DPP6: variants seen among roughly 807,000 people sequenced by gnomAD.
DPP6 encodes the protein dipeptidyl peptidase like 6.
DPP6 carries 69 observed loss-of-function variants against 122.6 expected under a neutral mutation model. The ratio of observed to expected loss-of-function variants is 0.56; its 90% CI spans 0.46 to 0.69. The LOEUF is 0.69. Among genes scored for constraint, DPP6 ranks in the 30% least tolerant of loss-of-function variants. DPP6 has a pLI of 0.00. For missense variants in DPP6, 928 were observed against 1,116.9 expected (o/e 0.83, Z 2.41); for synonymous variants, 418 against 433.1 (o/e 0.97, Z 0.43).
the DPP6 span, among the ~76,000 whole-genome samples, chr7:153,784,404 C>G: frequency 6.6e-6 from 1 of 152,134 alleles, no homozygotes. Flanking sequence ...TCAGCCTTGT[C>G]CATTAACATT....
At chr7:154,505,163 C>T (rs1470470552) in intron 3 of DPP6, among the ~76,000 whole-genome samples, 2 of 152,142 alleles carry the variant, frequency 1.3e-5, no homozygotes, top group Non-Finnish European at 2.9e-5. Flanking sequence ...CTGGCAGGAT[C>T]CCCTGTAGTC....
the DPP6 span, among the ~76,000 whole-genome samples, chr7:153,834,226 G>A: frequency 6.6e-6 from 1 of 151,320 alleles, no homozygotes; most frequent in Non-Finnish European, 1.5e-5. Flanking sequence ...GGCAGAGGTT[G>A]CAGTGAGCTG....
At chr7:154,467,366 A>G (rs1030181237) in intron 2 of DPP6, among the ~76,000 whole-genome samples, 1 of 152,176 alleles carries the variant, frequency 6.6e-6, no homozygotes, top group African/African-American at 2.4e-5. Flanking sequence ...TGATTGGATC[A>G]TGGGGCTGGT....
At chr7:154,140,679 T>C (rs1795800871) in intron 1 of DPP6, among the ~76,000 whole-genome samples, 1 of 152,170 alleles carries the variant, frequency 6.6e-6, no homozygotes, top group African/African-American at 2.4e-5. Context: ...CTATACACAA[T>C]AACCTGAATT....
chr7:154,667,615 T>C (rs1024767052), intron 6 of DPP6, among the ~76,000 whole-genome samples: 2 of 152,072 alleles, frequency 1.3e-5, no homozygotes, highest in Non-Finnish European at 2.9e-5. Context: ...CCCAGCTACT[T>C]GGGAGGCTGA....
chr7:154,761,532 T>C (rs1795556524), intron 8 of DPP6, among the ~76,000 whole-genome samples: 1 of 152,092 alleles, frequency 6.6e-6, no homozygotes, highest in Non-Finnish European at 1.5e-5. Flanking sequence ...GAGGTTTAAT[T>C]GGCTCCCAGT....
At chr7:154,333,963 G>A (rs748939611) in intron 1 of DPP6, among the ~76,000 whole-genome samples, 4 of 152,168 alleles carry the variant, frequency 2.6e-5, no homozygotes, top group Non-Finnish European at 5.9e-5. Context: ...TTAGATTTTA[G>A]TAGACTGTTT....
chr7:154,597,732 A>G (rs1038386955), intron 5 of DPP6, among the ~76,000 whole-genome samples: 1 of 152,190 alleles, frequency 6.6e-6, no homozygotes, highest in Admixed American at 6.5e-5. Context: ...GAAGTCAGAG[A>G]TCGAGGTGTC....
intron 1 of DPP6, among the ~76,000 whole-genome samples, chr7:154,302,018 C>T (rs1194211223): frequency 6.6e-6 from 1 of 151,938 alleles, no homozygotes; most frequent in Non-Finnish European, 1.5e-5. Context: ...GGGGTTTCAC[C>T]ATGTTAGCCA....
chr7:153,795,736 A>G, the DPP6 span, among the ~76,000 whole-genome samples: 9 of 152,042 alleles, frequency 5.9e-5, no homozygotes, highest in East Asian at 5.8e-4. Flanking sequence ...TAGACATTTA[A>G]TAAATTTCCT....
Position 154,237,896 on chromosome 7 carries a change from G to A in DPP6, c.243+184833G>A, listed in dbSNP as rs145501871. Among the ~76,000 whole-genome samples the A allele has an allele frequency of 5.1e-3, 773 of 152,258 alleles. 9 individuals are homozygous for A. Among genetic ancestry groups the A allele is most frequent in the African/African-American group, 0.018 (732 of 41,542 alleles). On this transcript the variant is annotated intron_variant, in intron 1 of 25. Transcript: ENST00000377770. ...CCTGGGAGCGTGTAAGTCCATCTCT[G>A]GGCAGGGAAGCTGACCAGAGATGCA...
intron 1 of DPP6, among the ~76,000 whole-genome samples, chr7:154,312,752 C>T (rs1339223015): frequency 6.6e-6 from 1 of 152,172 alleles, no homozygotes; most frequent in Admixed American, 6.5e-5. Context: ...TAAGATTTCT[C>T]TTGGAGACAA....
At chr7:154,693,175 A>G (rs1048780294) in intron 7 of DPP6, among the ~76,000 whole-genome samples, 1 of 152,130 alleles carries the variant, frequency 6.6e-6, no homozygotes, top group South Asian at 2.1e-4. Context: ...TGGCTCCCCT[A>G]AAATTCACAG....
At chr7:154,368,879 G>A (rs1421967506) in intron 1 of DPP6, among the ~76,000 whole-genome samples, 1 of 152,086 alleles carries the variant, frequency 6.6e-6, no homozygotes, top group Non-Finnish European at 1.5e-5. Flanking sequence ...GAGCATTGAC[G>A]GCAAGCTGCA....
intron 1 of DPP6, among the ~76,000 whole-genome samples, chr7:154,113,412 T>TATAC (rs1472172445): frequency 7.0e-6 from 1 of 141,876 alleles, no homozygotes; most frequent in East Asian, 2.3e-4. Flanking sequence ...TATATATATA[T>TATAC]ACACACACAC....
At chr7:154,134,854 A>C (rs1014913244) in intron 1 of DPP6, among the ~76,000 whole-genome samples, 13 of 151,416 alleles carry the variant, frequency 8.6e-5, no homozygotes, top group African/African-American at 2.7e-4. Context: ...TCCTGTGAGC[A>C]TACACTTCCT....
intron 1 of DPP6, among the ~76,000 whole-genome samples, chr7:153,899,713 A>G (rs1799560816): frequency 6.6e-6 from 1 of 152,228 alleles, no homozygotes; most frequent in Non-Finnish European, 1.5e-5. Context: ...GTGTTCAAGC[A>G]TTAATTAAAA....
At chr7:154,030,453 C>T (rs1315196765) in intron 1 of DPP6, among the ~76,000 whole-genome samples, 2 of 152,102 alleles carry the variant, frequency 1.3e-5, no homozygotes, top group Non-Finnish European at 2.9e-5. Flanking sequence ...AGGAGGCCCT[C>T]CCAGAGCCTC....
chr7:154,790,974 G>A (rs1397177759), intron 10 of DPP6, among the ~76,000 whole-genome samples: 1 of 152,150 alleles, frequency 6.6e-6, no homozygotes, highest in Non-Finnish European at 1.5e-5. Flanking sequence ...ACTTGAGGCT[G>A]GGCACGGTGG....
Sources: gnomAD v4.1 joint callset for allele counts (sites outside exome capture counted in the v4.1 genomes callset) on GRCh38, gnomAD v4.1.1 for gene constraint, MANE v1.5 for transcripts, NCBI Gene and HGNC (gene_info 2026-07-23, HGNC 2026-07-21) for gene names.